The following PAQR3 variants were observed in gnomAD, a reference collection of about 807,000 sequenced individuals.
PAQR3 encodes progestin and adipoQ receptor family member 3, also known as Raf kinase trapping to Golgi.
Under a neutral mutation model 41.7 loss-of-function variants are expected in PAQR3, and 39 were observed. The observed-to-expected ratio is 0.93, with a 90% CI of 0.72 to 1.22. The LOEUF (loss-of-function observed/expected upper bound fraction) is 1.22, where lower values mean the gene tolerates loss of function less well. PAQR3 is among the 50% of genes most tolerant of loss of function. PAQR3 has a pLI of 0.00. For synonymous variants in PAQR3, 140 were observed against 140.6 expected, an observed-to-expected ratio of 1.00 and a Z score of 0.03; for missense variants, 366 against 385.6, an observed-to-expected ratio of 0.95 and a Z score of 0.42.
In PAQR3 at chr4:78,914,209, A is replaced by G. The variant is rs1330902058; in HGVS notation, c.*6330T>C. Reference sequence around the variant, plus strand: ...ACTAATGTCTCCTTCAGATGTAAACATGAAATACCTAGAGTTTTACTTGCT... The same window carrying G: ...ACTAATGTCTCCTTCAGATGTAAACGTGAAATACCTAGAGTTTTACTTGCT... On this transcript the variant is annotated 3_prime_UTR_variant, in exon 6 of 6. Coordinates refer to ENST00000512733, the MANE Select transcript of PAQR3 (RefSeq NM_001040202.2). 1 of 152,136 alleles carries G rather than the reference A, an allele frequency of 6.6e-6. No homozygotes were observed. Among genetic ancestry groups the G allele is most frequent in the African/African-American group, 2.4e-5 (1 of 41,452 alleles). 9.4% of individuals were successfully genotyped at this position (152,136 alleles called of 1,614,324 possible).
In PAQR3 at chr4:78,918,781, G is replaced by A. The variant is rs905936109; in HGVS notation, c.*1758C>T. The A allele has an allele frequency of 2.0e-6, 2 of 984,046 alleles. No homozygotes were observed. Among genetic ancestry groups the A allele is most frequent in the African/African-American group, 3.5e-5 (2 of 57,156 alleles). 61.0% of individuals were successfully genotyped at this position (984,046 alleles called of 1,614,324 possible). On this transcript the variant is annotated 3_prime_UTR_variant, in exon 6 of 6. Transcript: ENST00000512733. ...TTTTCCCCTCATTTTTAACTTAAGT[G>A]TAACTACTCAGTGTCTTTTGTTTGG...
chr4:78,925,901 C>A (rs113945673), intron 4 of PAQR3, among the ~76,000 whole-genome samples: 1 of 152,142 alleles, frequency 6.6e-6, no homozygotes, highest in African/African-American at 2.4e-5. Context: ...CAACTGTTCC[C>A]CCATAATACC....
At position 78,926,526 on chromosome 4, in the gene PAQR3, C is replaced by T; in HGVS notation, c.697G>A (p.Val233Ile). Residue 233 changes from valine (V) to isoleucine (I), a missense_variant, in exon 4 of 6, where the codon GTA becomes ATA. Physicochemically the swap from Val to Ile is conservative, Grantham distance 29. Coordinates refer to ENST00000512733, the MANE Select transcript of PAQR3 (RefSeq NM_001040202.2). The stretch of plus-strand genomic sequence containing the variant: ...ATTAACTACACTCAACCTACCTGTA[C>T]AATAGGAGCACCAATTCCTCCATTG... ...WLNGGIGAPI[V>I]QDFAPRVIVM... is the part of the protein sequence containing the mutation. The T allele has an allele frequency of 6.2e-7, 1 of 1,609,490 alleles. No individual in the cohort carries two copies. Among genetic ancestry groups the T allele is most frequent in the Non-Finnish European group, 8.5e-7 (1 of 1,176,334 alleles).
At chr4:78,930,077 A>C (rs1436236947) in intron 3 of PAQR3, 93 bp downstream of exon 3, 15 of 1,242,766 alleles carry the variant, frequency 1.2e-5, no homozygotes, top group Non-Finnish European at 1.7e-5. Flanking sequence ...CTATAAGTTA[A>C]TTATGTACTT....
chr4:78,928,116 G>T (rs1355560194), intron 3 of PAQR3, among the ~76,000 whole-genome samples: 1 of 152,158 alleles, frequency 6.6e-6, no homozygotes, highest in Non-Finnish European at 1.5e-5. Context: ...TCTGGTAAGA[G>T]ATTTACAAAA....
At chr4:78,892,976 T>C (rs1733520881) in intron 11 of PAQR3, among the ~76,000 whole-genome samples, 1 of 152,198 alleles carries the variant, frequency 6.6e-6, no homozygotes, top group African/African-American at 2.4e-5. Context: ...TTTCTTAAAA[T>C]AAGACAATGA....
intron 3 of PAQR3, among the ~76,000 whole-genome samples, chr4:78,929,336 G>A (rs1736579213): frequency 6.6e-6 from 1 of 152,098 alleles, no homozygotes; most frequent in Non-Finnish European, 1.5e-5. Context: ...TAGAAAAACA[G>A]GAAGAAAACA....
chr4:78,927,240 T>C (rs1327244489), intron 3 of PAQR3, among the ~76,000 whole-genome samples: 1 of 152,092 alleles, frequency 6.6e-6, no homozygotes, highest in Non-Finnish European at 1.5e-5. Flanking sequence ...GAACAGCAAA[T>C]GCAGCAGGAA....
At position 78,919,959 on chromosome 4, in the gene PAQR3, C is replaced by T; in HGVS notation, c.*580G>A. ...AGTTTAAAGCTTTTGTTCTGGAAAA[C>T]TAAAATATCTAATGTTCTTAGGGAG... On this transcript the variant is annotated 3_prime_UTR_variant, in exon 6 of 6. Coordinates refer to ENST00000512733, the MANE Select transcript of PAQR3 (RefSeq NM_001040202.2). 1.0e-6 allele frequency: 1 copy of T among 985,168 alleles called. No homozygotes were observed. The highest frequency in any genetic ancestry group is 1.2e-6 in the Non-Finnish European group (1 of 829,474). 61.0% of individuals were successfully genotyped at this position (985,168 alleles called of 1,614,324 possible). A position where few individuals can be genotyped will look rare whatever the true frequency, so the allele number is the denominator to read the frequency against.
rs1022243928 is a variant in PAQR3 at position 78,912,741 on chromosome 4, T to G, written c.*7798A>C. 6.6e-6 allele frequency: 1 copy of G among 152,138 alleles called. No individual in the cohort carries two copies. The highest frequency in any genetic ancestry group is 2.4e-5 in the African/African-American group (1 of 41,440). The allele number at this position is 152,138 out of a possible 1,614,324, so 9.4% of individuals were successfully genotyped here. On this transcript the variant is annotated 3_prime_UTR_variant, in exon 6 of 6. Coordinates refer to ENST00000512733, the MANE Select transcript of PAQR3 (RefSeq NM_001040202.2). ...AAAACAATGTTATACATGATAAATA[T>G]ATATAATTTTTGTCAGTTAAAACAA...
rs1390904582 is a variant in PAQR3 at position 78,917,828 on chromosome 4, A to C, written c.*2711T>G. On this transcript the variant is annotated 3_prime_UTR_variant, in exon 6 of 6. Coordinates refer to ENST00000512733, the MANE Select transcript of PAQR3 (RefSeq NM_001040202.2). ...AATCTTCAAATCGGATATTCTGTCCAGGTGGGATGCCATAAGATGTGACAG... is the reference window on the plus strand; with the variant it reads ...AATCTTCAAATCGGATATTCTGTCCCGGTGGGATGCCATAAGATGTGACAG... 4 of 985,422 alleles carry C rather than the reference A, an allele frequency of 4.1e-6. No individual in the cohort carries two copies. The highest frequency in any genetic ancestry group is 4.8e-6 in the Non-Finnish European group (4 of 829,730). The allele number at this position is 985,422 out of a possible 1,614,324, so 61.0% of individuals were successfully genotyped here.
In PAQR3 at chr4:78,920,341, A is replaced by C; in HGVS notation, c.*198T>G. 1 of 1,217,072 alleles carries C rather than the reference A, an allele frequency of 8.2e-7. No individual in the cohort carries two copies. Among genetic ancestry groups the C allele is most frequent in the Non-Finnish European group, 1.0e-6 (1 of 977,490 alleles). 75.4% of individuals were successfully genotyped at this position (1,217,072 alleles called of 1,614,324 possible). A position where few individuals can be genotyped will look rare whatever the true frequency, so the allele number is the denominator to read the frequency against. ...ATTTTCACTTTCTGTACAAGCAGCA[A>C]ATTAGTAGTTTTAAGGATTTTGTAA... On this transcript the variant is annotated 3_prime_UTR_variant, in exon 6 of 6. Transcript: ENST00000512733.
chr4:78,903,090 C>G (rs1015552111), intron 11 of PAQR3, among the ~76,000 whole-genome samples: 5 of 151,668 alleles, frequency 3.3e-5, no homozygotes, highest in African/African-American at 9.7e-5. Flanking sequence ...AATTTTCCCA[C>G]CAAGGTATTG....
chr4:78,899,801 T>A (rs1342815195), intron 11 of PAQR3, among the ~76,000 whole-genome samples: 2 of 152,158 alleles, frequency 1.3e-5, no homozygotes, highest in Non-Finnish European at 2.9e-5. Flanking sequence ...GAATCCTGAT[T>A]GCAGTGGATT....
At chr4:78,928,382 T>G (rs1736471061) in intron 3 of PAQR3, among the ~76,000 whole-genome samples, 1 of 152,222 alleles carries the variant, frequency 6.6e-6, no homozygotes, top group Admixed American at 6.5e-5. Flanking sequence ...TATTTTTAAT[T>G]ATGTGCTTAT....
chr4:78,906,872 T>C (rs571990798), intron 10 of PAQR3, among the ~76,000 whole-genome samples: 47 of 152,302 alleles, frequency 3.1e-4, no homozygotes, highest in Non-Finnish European at 5.3e-4. Context: ...AAATGTGTTA[T>C]CCCATTTTGT....
Position 78,912,231 on chromosome 4 carries a change from G to C in PAQR3, c.*8308C>G. 1 of 534,462 alleles carries C rather than the reference G, an allele frequency of 1.9e-6. No individual in the cohort carries two copies. Among genetic ancestry groups the C allele is most frequent in the East Asian group, 3.0e-5 (1 of 32,818 alleles). The allele number at this position is 534,462 out of a possible 1,614,324, so 33.1% of individuals were successfully genotyped here. ...AACTTGATTCCTCTTCAGGAGAAAA[G>C]GGAGCTAAATTGCAAGCTCTAACTA... On this transcript the variant is annotated 3_prime_UTR_variant, in exon 6 of 6. Transcript: ENST00000512733.
chr4:78,891,590 C>A (rs1472031070), intron 11 of PAQR3, among the ~76,000 whole-genome samples: 2 of 152,054 alleles, frequency 1.3e-5, no homozygotes, highest in African/African-American at 4.8e-5. Context: ...ATATTTGCAT[C>A]TTAGAAATTT....
intron 3 of PAQR3, among the ~76,000 whole-genome samples, chr4:78,927,897 G>C (rs957502517): frequency 3.3e-5 from 5 of 152,298 alleles, no homozygotes; most frequent in African/African-American, 1.2e-4. Context: ...CATTCTACTG[G>C]ATCTAGGGTC....
Sources: gnomAD v4.1 joint callset for allele counts (sites outside exome capture counted in the v4.1 genomes callset) on GRCh38, gnomAD v4.1.1 for gene constraint, MANE v1.5 for transcripts, NCBI Gene and HGNC (gene_info 2026-07-23, HGNC 2026-07-21) for gene names.